KCNB2: variants seen among roughly 807,000 people sequenced by gnomAD.
The protein encoded by KCNB2 is delayed rectifier potassium channel protein.
A neutral mutation model predicts 61.5 loss-of-function variants in KCNB2; 15 were observed. The ratio of observed to expected loss-of-function variants is 0.24; its 90% CI spans 0.16 to 0.38. The LOEUF is 0.38. KCNB2 is among the 10% of genes least tolerant of loss of function. The probability of loss-of-function intolerance (pLI) is 1.00; values close to 1 mark genes in which losing one functional copy is unlikely to be tolerated. For synonymous variants in KCNB2, 457 were observed against 446.0 expected, an observed-to-expected ratio of 1.02 and a Z score of -0.31; for missense variants, 828 against 1,125.2, an observed-to-expected ratio of 0.74 and a Z score of 3.78.
intron 2 of KCNB2, among the ~76,000 whole-genome samples, chr8:72,677,246 C>T (rs1271848700): frequency 2.6e-5 from 4 of 152,198 alleles, no homozygotes; most frequent in African/African-American, 9.6e-5. Flanking sequence ...ACACCTTGAT[C>T]TCAGACTTCT....
At chr8:72,677,457 A>T (rs571296512) in intron 2 of KCNB2, among the ~76,000 whole-genome samples, 1 of 152,282 alleles carries the variant, frequency 6.6e-6, no homozygotes, top group African/African-American at 2.4e-5. Flanking sequence ...ACCTCCAGCT[A>T]TGGCCCTATT....
intron 2 of KCNB2, among the ~76,000 whole-genome samples, chr8:72,900,745 C>A (rs1806075228): frequency 6.6e-6 from 1 of 152,106 alleles, no homozygotes; most frequent in Non-Finnish European, 1.5e-5. Context: ...ATGAAGAATG[C>A]TCATCATTAC....
chr8:72,687,243 T>C (rs558507067), intron 2 of KCNB2, among the ~76,000 whole-genome samples: 10 of 152,220 alleles, frequency 6.6e-5, no homozygotes, highest in Middle Eastern at 3.2e-3. Flanking sequence ...TACAGTGTTT[T>C]TCATGGTATT....
chr8:72,816,674 T>C (rs1354620795), intron 2 of KCNB2, among the ~76,000 whole-genome samples: 5 of 152,220 alleles, frequency 3.3e-5, no homozygotes, highest in African/African-American at 1.2e-4. Flanking sequence ...AAGCTTACCC[T>C]AAAACCTCAA....
At chr8:72,735,720 C>T (rs957181717) in intron 2 of KCNB2, among the ~76,000 whole-genome samples, 3 of 152,150 alleles carry the variant, frequency 2.0e-5, no homozygotes, top group African/African-American at 7.2e-5. Context: ...AGCAGTAGGG[C>T]ACAGTTTGTG....
chr8:72,690,255 T>C (rs1337511735), intron 2 of KCNB2, among the ~76,000 whole-genome samples: 3 of 152,296 alleles, frequency 2.0e-5, no homozygotes, highest in East Asian at 1.9e-4. Context: ...CCTTTGAAAG[T>C]AGATTTATAA....
chr8:72,706,078 G>A (rs1807219197), intron 2 of KCNB2, among the ~76,000 whole-genome samples: 1 of 152,176 alleles, frequency 6.6e-6, no homozygotes, highest in Non-Finnish European at 1.5e-5. Context: ...GGCAAACAGC[G>A]ACTCCCAGAG....
chr8:72,752,871 C>T (rs538635751), intron 2 of KCNB2, among the ~76,000 whole-genome samples: 1 of 152,304 alleles, frequency 6.6e-6, no homozygotes, highest in South Asian at 2.1e-4. Context: ...TCTTCCAAGA[C>T]ACTGTGCACT....
intron 2 of KCNB2, among the ~76,000 whole-genome samples, chr8:72,639,422 A>G (rs1806017542): frequency 6.6e-6 from 1 of 152,138 alleles, no homozygotes; most frequent in South Asian, 2.1e-4. Flanking sequence ...ATACGTCTTA[A>G]TATTTCACAT....
intron 2 of KCNB2, among the ~76,000 whole-genome samples, chr8:72,579,325 G>A (rs892059606): frequency 6.6e-6 from 1 of 152,072 alleles, no homozygotes; most frequent in African/African-American, 2.4e-5. Context: ...TTCATGAGTT[G>A]ATGTCTACTT....
chr8:72,607,151 A>G (rs1298266772), intron 2 of KCNB2, among the ~76,000 whole-genome samples: 1 of 152,194 alleles, frequency 6.6e-6, no homozygotes, highest in African/African-American at 2.4e-5. Flanking sequence ...CTTCCAACAC[A>G]GTTTTTGAGC....
At chr8:72,845,840 G>A (rs897813532) in intron 2 of KCNB2, among the ~76,000 whole-genome samples, 2 of 152,152 alleles carry the variant, frequency 1.3e-5, no homozygotes, top group Admixed American at 6.5e-5. Context: ...TGCTGGCAGC[G>A]ACAATCTCAA....
chr8:72,910,370 A>T (rs1347790814), intron 2 of KCNB2, among the ~76,000 whole-genome samples: 1 of 152,138 alleles, frequency 6.6e-6, no homozygotes, highest in Non-Finnish European at 1.5e-5. Flanking sequence ...AGAACCATCA[A>T]AGGTGGATTT....
intron 2 of KCNB2, among the ~76,000 whole-genome samples, chr8:72,626,434 T>C (rs1482299457): frequency 6.6e-6 from 1 of 152,228 alleles, no homozygotes; most frequent in Non-Finnish European, 1.5e-5. Context: ...GGGCAGCTTA[T>C]ATGTGCAATG....
chr8:72,545,502 G>GCC (rs1258010531), intron 1 of KCNB2, among the ~76,000 whole-genome samples: 1 of 152,124 alleles, frequency 6.6e-6, no homozygotes, highest in East Asian at 1.9e-4. Flanking sequence ...CACGAGTTGT[G>GCC]CCCATATAAG....
chr8:72,570,359 T>C (rs895191087), intron 2 of KCNB2, among the ~76,000 whole-genome samples: 3 of 152,304 alleles, frequency 2.0e-5, no homozygotes, highest in Middle Eastern at 3.4e-3. Flanking sequence ...TTACTAAATT[T>C]CCATACAGGA....
chr8:72,788,028 G>A (rs1267955456), intron 2 of KCNB2, among the ~76,000 whole-genome samples: 6 of 152,172 alleles, frequency 3.9e-5, no homozygotes. Context: ...TTTGTGAAAT[G>A]ATGATGGTAA....
chr8:72,861,083 G>A (rs1021276598), intron 2 of KCNB2, among the ~76,000 whole-genome samples: 9 of 152,160 alleles, frequency 5.9e-5, no homozygotes, highest in East Asian at 1.9e-4. Context: ...GGAGGACACC[G>A]GAAGTTTCTT....
At chr8:72,548,090 C>T (rs1806286828) in intron 1 of KCNB2, among the ~76,000 whole-genome samples, 1 of 151,916 alleles carries the variant, frequency 6.6e-6, no homozygotes, top group African/African-American at 2.4e-5. Context: ...GCTTTTTTCC[C>T]CAATAGAGCA....
Sources: gnomAD v4.1 joint callset for allele counts (sites outside exome capture counted in the v4.1 genomes callset) on GRCh38, gnomAD v4.1.1 for gene constraint, MANE v1.5 for transcripts, NCBI Gene and HGNC (gene_info 2026-07-23, HGNC 2026-07-21) for gene names.